Variants in RNF227 observed in about 807,000 individuals in gnomAD.
RNF227 encodes ring finger protein 227.
Under a neutral mutation model 4.9 loss-of-function variants are expected in RNF227, and 8 were observed. That is an observed-to-expected ratio of 1.65 (90% confidence interval 0.97 to 2.98). The LOEUF is 2.98. Ranked by LOEUF, RNF227 falls within the 30% of genes most tolerant of loss-of-function variation. The pLI is 0.00. For missense variants in RNF227, 136 were observed against 65.4 expected (o/e 2.08, Z -3.72); for synonymous variants, 63 against 28.1 (o/e 2.25, Z -3.94).
Position 7,915,387 on chromosome 17 carries a change from G to A in RNF227, c.*135C>T, listed in dbSNP as rs1971952682. The A allele has an allele frequency of 4.3e-6, 3 of 701,730 alleles. No individual in the cohort carries two copies. The highest frequency in any genetic ancestry group is 7.8e-6 in the Non-Finnish European group (3 of 384,830). 43.5% of individuals were successfully genotyped at this position (701,730 alleles called of 1,614,324 possible). ...CAACTCAGCATCAACACCTCCCAGG[G>A]CGTTCCCTCCTGCCTTCGGCTCATC... is the stretch of plus-strand genomic sequence containing the variant. On this transcript the variant is annotated 3_prime_UTR_variant, in exon 2 of 2. Transcript: ENST00000324348.
intron 1 of RNF227, 48 bp from the exon 2 acceptor site, chr17:7,915,625 C>A: frequency 1.4e-6 from 1 of 702,902 alleles, no homozygotes; most frequent in Non-Finnish European, 2.6e-6. Flanking sequence ...TGCCAACGAA[C>A]CTCGGTATTC....
chr17:7,915,323 C>G lies in RNF227; in HGVS notation c.*199G>C, dbSNP rs749401057. 2 of 683,062 alleles carry G rather than the reference C, an allele frequency of 2.9e-6. No individual in the cohort carries two copies. The highest frequency in any genetic ancestry group is 3.1e-5 in the South Asian group (2 of 65,150). 42.3% of individuals were successfully genotyped at this position (683,062 alleles called of 1,614,324 possible). On this transcript the variant is annotated 3_prime_UTR_variant, in exon 2 of 2. Coordinates refer to ENST00000324348, the MANE Select transcript of RNF227 (RefSeq NM_001358699.2). The stretch of plus-strand genomic sequence containing the variant: ...CCATCCTGAAAATGTAAGACTGGCA[C>G]AGTCAGTAGATGGGGGCGAGTTCGT...
At position 7,914,452 on chromosome 17, in the gene RNF227, C is replaced by G. The variant is rs1971935797; in HGVS notation, c.*1070G>C. 1 of 152,196 alleles carries G rather than the reference C, an allele frequency of 6.6e-6. No homozygotes were observed. The highest frequency in any genetic ancestry group is 2.4e-5 in the African/African-American group (1 of 41,372). 9.4% of individuals were successfully genotyped at this position (152,196 alleles called of 1,614,324 possible). A position where few individuals can be genotyped will look rare whatever the true frequency, so the allele number is the denominator to read the frequency against. On this transcript the variant is annotated 3_prime_UTR_variant, in exon 2 of 2. Transcript: ENST00000324348. ...ATCCCAGCTACTCCGGAGGATGAGG[C>G]AGGAGAATCGCTTGAACCTGGGAGG...
At position 7,915,283 on chromosome 17, in the gene RNF227, C is replaced by T. The variant is rs1245874903; in HGVS notation, c.*239G>A. On this transcript the variant is annotated 3_prime_UTR_variant, in exon 2 of 2. Coordinates refer to ENST00000324348, the MANE Select transcript of RNF227 (RefSeq NM_001358699.2). ...ACGGTAACGTAGGCTTTGTTTATAT[C>T]ATCCCTTGGCCACTCCATCCTGAAA... 3.2e-6 allele frequency: 2 copies of T among 627,790 alleles called. No individual in the cohort carries two copies. The highest frequency in any genetic ancestry group is 2.8e-5 in the East Asian group (1 of 35,396). 38.9% of individuals were successfully genotyped at this position (627,790 alleles called of 1,614,324 possible). A position where few individuals can be genotyped will look rare whatever the true frequency, so the allele number is the denominator to read the frequency against.
In RNF227 at chr17:7,915,179, G is replaced by A. The variant is rs544381048; in HGVS notation, c.*343C>T. On this transcript the variant is annotated 3_prime_UTR_variant, in exon 2 of 2. Coordinates refer to ENST00000324348, the MANE Select transcript of RNF227 (RefSeq NM_001358699.2). The stretch of plus-strand genomic sequence containing the variant: ...CATTGACAAAGAATTGCTAAAATGG[G>A]ACCTGTTGCTCCCACACACCAGAGC... 3 of 419,254 alleles carry A rather than the reference G, an allele frequency of 7.2e-6. No homozygotes were observed. Among genetic ancestry groups the A allele is most frequent in the South Asian group, 2.4e-5 (1 of 41,788 alleles). The allele number at this position is 419,254 out of a possible 1,614,324, so 26.0% of individuals were successfully genotyped here.
Position 7,915,867 on chromosome 17 carries a change from G to T in RNF227, c.329C>A (p.Ala110Asp), listed in dbSNP as rs1210388605. 1.0e-5 allele frequency: 7 copies of T among 702,528 alleles called. No individual in the cohort carries two copies. Among genetic ancestry groups the T allele is most frequent in the African/African-American group, 1.7e-5 (1 of 57,234 alleles). The allele number at this position is 702,528 out of a possible 1,614,324, so 43.5% of individuals were successfully genotyped here. The change falls in exon 1 of 2, where the codon GCC becomes GAC. Residue 110 changes from alanine (A) to aspartate (D), a missense_variant. Transcript: ENST00000324348. ...CCCAGCCTCATCTCGTTCGCACTTG[G>T]CCCGCGCTTTTTCCTCCAATCGCGA... is the stretch of plus-strand genomic sequence containing the variant. The part of the protein sequence containing the change: ...LWSRLEEKAR[A>D]KCERDEAGNP...
chr17:7,913,338 A>G (rs1971901830), downstream of RNF227: 1 of 152,190 alleles, frequency 6.6e-6, no homozygotes, highest in African/African-American at 2.4e-5. Context: ...AAAATAAGAG[A>G]TAAAGCCAAC....
rs575819609 is a variant in RNF227, at chr17:7,913,666, A to G, written c.*1856T>C. 2.0e-5 allele frequency: 3 copies of G among 152,370 alleles called. No homozygotes were observed. In the East Asian group the frequency reaches 5.8e-4, roughly 29 times the overall value. 9.4% of individuals were successfully genotyped at this position (152,370 alleles called of 1,614,324 possible). On this transcript the variant is annotated 3_prime_UTR_variant, in exon 2 of 2. Coordinates refer to ENST00000324348, the MANE Select transcript of RNF227 (RefSeq NM_001358699.2). ...CATAAGTGTATAATTATGATTTGTC[A>G]ATCAAAAATATTTATATTTTAAAAA...
In RNF227 at chr17:7,915,194, C is replaced by T. The variant is rs1293691526; in HGVS notation, c.*328G>A. 2 of 455,408 alleles carry T rather than the reference C, an allele frequency of 4.4e-6. No individual in the cohort carries two copies. The highest frequency in any genetic ancestry group is 8.1e-6 in the Non-Finnish European group (2 of 246,888). 28.2% of individuals were successfully genotyped at this position (455,408 alleles called of 1,614,324 possible). A position where few individuals can be genotyped will look rare whatever the true frequency, so the allele number is the denominator to read the frequency against. On this transcript the variant is annotated 3_prime_UTR_variant, in exon 2 of 2. Transcript: ENST00000324348. ...GCTAAAATGGGACCTGTTGCTCCCA[C>T]ACACCAGAGCCACCCTGGACAAAAG...
rs1397560791 is a variant in RNF227, at chr17:7,915,593, A to C, written c.518-16T>G. 2 of 703,074 alleles carry C rather than the reference A, an allele frequency of 2.8e-6. No individual in the cohort carries two copies. Among genetic ancestry groups the C allele is most frequent in the Admixed American group, 4.0e-5 (2 of 50,012 alleles). The allele number at this position is 703,074 out of a possible 1,614,324, so 43.6% of individuals were successfully genotyped here. Reference sequence around the variant, plus strand: ...CAGTAGAGCACTGGGGGAAAGAAGAAGGGTTAGTGGCAGCAGGAGCATGCC... The same window carrying C: ...CAGTAGAGCACTGGGGGAAAGAAGACGGGTTAGTGGCAGCAGGAGCATGCC... On this transcript the variant is annotated splice_polypyrimidine_tract_variant and intron_variant, in intron 1 of 1. Transcript: ENST00000324348.
chr17:7,915,907 C>T lies in RNF227; in HGVS notation c.289G>A (p.Asp97Asn), dbSNP rs1008743386. The change falls in exon 1 of 2, where the codon GAC becomes AAC. Residue 97 changes from aspartate (D) to asparagine (N), a missense_variant. By Grantham distance (23) the Asp-to-Asn change is conservative (BLOSUM62 1). Transcript: ENST00000324348. The stretch of plus-strand genomic sequence containing the variant: ...TCCAATCGCGACCACAAGTCCGAGT[C>T]AAGAGCCATCTCCGTGAGGCCGCCG... ...PRGGLTEMAL[D>N]SDLWSRLEEK... The T allele has an allele frequency of 1.4e-6, 1 of 701,500 alleles. No homozygotes were observed. The highest frequency in any genetic ancestry group is 1.7e-5 in the African/African-American group (1 of 57,212). 43.5% of individuals were successfully genotyped at this position (701,500 alleles called of 1,614,324 possible). A position where few individuals can be genotyped will look rare whatever the true frequency, so the allele number is the denominator to read the frequency against.
chr17:7,915,039 G>C lies in RNF227; in HGVS notation c.*483C>G, dbSNP rs890978327. 1 of 254,664 alleles carries C rather than the reference G, an allele frequency of 3.9e-6. No homozygotes were observed. Among genetic ancestry groups the C allele is most frequent in the African/African-American group, 2.3e-5 (1 of 43,954 alleles). 15.8% of individuals were successfully genotyped at this position (254,664 alleles called of 1,614,324 possible). A position where few individuals can be genotyped will look rare whatever the true frequency, so the allele number is the denominator to read the frequency against. On this transcript the variant is annotated 3_prime_UTR_variant, in exon 2 of 2. Transcript: ENST00000324348. ...CAATTTCTGGAACACAGAACTGGGA[G>C]TGGGGAGACAGCAGGCATACCAGCA...
rs956023057 is a variant in RNF227 at position 7,914,110 on chromosome 17, C to T, written c.*1412G>A. Reference sequence around the variant, plus strand: ...CCATCTCAAAAAAAAAAAAAAAGAACTTTGGATAAAATAATCTATCAGTCA... The same window carrying T: ...CCATCTCAAAAAAAAAAAAAAAGAATTTTGGATAAAATAATCTATCAGTCA... On this transcript the variant is annotated 3_prime_UTR_variant, in exon 2 of 2. Coordinates refer to ENST00000324348, the MANE Select transcript of RNF227 (RefSeq NM_001358699.2). 1.3e-5 allele frequency: 2 copies of T among 150,368 alleles called. No individual in the cohort carries two copies. Among genetic ancestry groups the T allele is most frequent in the African/African-American group, 4.9e-5 (2 of 40,966 alleles). 9.3% of individuals were successfully genotyped at this position (150,368 alleles called of 1,614,324 possible). A position where few individuals can be genotyped will look rare whatever the true frequency, so the allele number is the denominator to read the frequency against.
In RNF227 at chr17:7,915,092, A is replaced by C. The variant is rs534263281; in HGVS notation, c.*430T>G. On this transcript the variant is annotated 3_prime_UTR_variant, in exon 2 of 2. Transcript: ENST00000324348. ...CTTACATGCCAGAGAAGTGAGATTA[A>C]CATGACGCGAAAATTAGCCTCTTCT... is the stretch of plus-strand genomic sequence containing the variant. 1.4e-4 allele frequency: 47 copies of C among 328,474 alleles called. No homozygotes were observed. The highest frequency in any genetic ancestry group is 9.9e-4 in the African/African-American group (46 of 46,434). 20.3% of individuals were successfully genotyped at this position (328,474 alleles called of 1,614,324 possible). A position where few individuals can be genotyped will look rare whatever the true frequency, so the allele number is the denominator to read the frequency against.
Position 7,913,718 on chromosome 17 carries a change from TTAA to T in RNF227, c.*1801_*1803del, listed in dbSNP as rs1285155981. ...ATTGGAGGCCTCTAAAAAATTGAGG[TTAA>T]TAATAAGTTCACATTTTTAACTAAG... On this transcript the variant is annotated 3_prime_UTR_variant, in exon 2 of 2. Transcript: ENST00000324348. The T allele has an allele frequency of 2.6e-5, 4 of 152,100 alleles. No homozygotes were observed. The highest frequency in any genetic ancestry group is 4.4e-5 in the Non-Finnish European group (3 of 68,012). The allele number at this position is 152,100 out of a possible 1,614,324, so 9.4% of individuals were successfully genotyped here. A position where few individuals can be genotyped will look rare whatever the true frequency, so the allele number is the denominator to read the frequency against.
At position 7,916,118 on chromosome 17, in the gene RNF227, G is replaced by T. The variant is rs1486902012; in HGVS notation, c.78C>A (p.Asn26Lys). The T allele has an allele frequency of 2.5e-6, 1 of 396,036 alleles. No homozygotes were observed. The highest frequency in any genetic ancestry group is 2.1e-5 in the African/African-American group (1 of 48,462). 24.5% of individuals were successfully genotyped at this position (396,036 alleles called of 1,614,324 possible). A position where few individuals can be genotyped will look rare whatever the true frequency, so the allele number is the denominator to read the frequency against. The change falls in exon 1 of 2, where the codon AAC (asparagine) becomes AAA (lysine). Residue 26 changes from asparagine to lysine, a missense_variant. By Grantham distance (94) the Asn-to-Lys change is moderately conservative. Coordinates refer to ENST00000324348, the MANE Select transcript of RNF227 (RefSeq NM_001358699.2). ...LDCNICYRPFNLGCRAPRRLP... is the reference protein window; with the variant it reads ...LDCNICYRPFKLGCRAPRRLP... Reference sequence around the variant, plus strand: ...GGCGGCGGGGCGCGCGGCACCCGAGGTTGAAAGGACGGTAGCAGATGTTGC... The same window carrying T: ...GGCGGCGGGGCGCGCGGCACCCGAGTTTGAAAGGACGGTAGCAGATGTTGC...
At position 7,915,913 on chromosome 17, in the gene RNF227, C is replaced by T; in HGVS notation, c.283G>A (p.Ala95Thr). Residue 95 changes from alanine to threonine, a missense_variant, in exon 1 of 2, where the codon GCT becomes ACT. Physicochemically the swap from Ala to Thr is moderately conservative, Grantham distance 58 (BLOSUM62 0). Coordinates refer to ENST00000324348, the MANE Select transcript of RNF227 (RefSeq NM_001358699.2). ...QLPRGGLTEM[A>T]LDSDLWSRLE... ...CGCGACCACAAGTCCGAGTCAAGAG[C>T]CATCTCCGTGAGGCCGCCGCGAGGG... is the stretch of plus-strand genomic sequence containing the variant. 1.4e-6 allele frequency: 1 copy of T among 700,486 alleles called. No homozygotes were observed. The highest frequency in any genetic ancestry group is 1.7e-5 in the African/African-American group (1 of 57,304). The allele number at this position is 700,486 out of a possible 1,614,324, so 43.4% of individuals were successfully genotyped here.
Position 7,915,537 on chromosome 17 carries a change from G to A in RNF227, c.558C>T (p.Thr186=), listed in dbSNP as rs756774500. The A allele has an allele frequency of 4.3e-6, 3 of 702,982 alleles. No homozygotes were observed. Among genetic ancestry groups the A allele is most frequent in the African/African-American group, 1.7e-5 (1 of 57,266 alleles). 43.5% of individuals were successfully genotyped at this position (702,982 alleles called of 1,614,324 possible). A position where few individuals can be genotyped will look rare whatever the true frequency, so the allele number is the denominator to read the frequency against. ...AGTTCCTCGGTTACAACGTGCAACG[G>A]GTCAGGTGGCCAATGTCCTTGATCT... ...CAEIKDIGHL[T]RCTL Residue 186 remains threonine (T), a synonymous_variant, in exon 2 of 2, where the codon ACC becomes ACT. Transcript: ENST00000324348.
In RNF227 at chr17:7,915,340, C is replaced by A; in HGVS notation, c.*182G>T. On this transcript the variant is annotated 3_prime_UTR_variant, in exon 2 of 2. Coordinates refer to ENST00000324348, the MANE Select transcript of RNF227 (RefSeq NM_001358699.2). ...GACTGGCACAGTCAGTAGATGGGGGCGAGTTCGTCTAGGAGCCTCCCCAAC... is the reference window on the plus strand; with the variant it reads ...GACTGGCACAGTCAGTAGATGGGGGAGAGTTCGTCTAGGAGCCTCCCCAAC... 1.4e-6 allele frequency: 1 copy of A among 692,666 alleles called. No homozygotes were observed. The highest frequency in any genetic ancestry group is 2.6e-6 in the Non-Finnish European group (1 of 378,582). The allele number at this position is 692,666 out of a possible 1,614,324, so 42.9% of individuals were successfully genotyped here.
Sources: allele counts gnomAD v4.1 joint callset, GRCh38; gene constraint gnomAD v4.1.1; transcripts MANE v1.5; gene names NCBI Gene and HGNC (gene_info 2026-07-23, HGNC 2026-07-21).